PACSIN2: variants seen among roughly 807,000 people sequenced by gnomAD.
The protein encoded by PACSIN2 is protein kinase C and casein kinase substrate in neurons 2.
Under a neutral mutation model 63.8 loss-of-function variants are expected in PACSIN2, and 25 were observed. The observed-to-expected ratio is 0.39, with a 90% CI of 0.29 to 0.55. PACSIN2 has a LOEUF of 0.55. Among genes scored for constraint, PACSIN2 ranks in the 20% least tolerant of loss-of-function variants. The probability of loss-of-function intolerance (pLI) is 0.62; values close to 1 mark genes in which losing one functional copy is unlikely to be tolerated. For missense variants in PACSIN2, 518 were observed against 646.9 expected, an observed-to-expected ratio of 0.80 and a Z score of 2.16; for synonymous variants, 255 against 256.2, an observed-to-expected ratio of 1.00 and a Z score of 0.05.
chr22:42,937,560 C>T (rs985127049), intron 1 of PACSIN2, among the ~76,000 whole-genome samples: 7 of 152,270 alleles, frequency 4.6e-5, no homozygotes, highest in African/African-American at 1.7e-4. Flanking sequence ...GCAGTGACTA[C>T]CACACACTGA....
At chr22:42,994,969 A>G (rs1268262274) in intron 1 of PACSIN2, among the ~76,000 whole-genome samples, 1 of 152,178 alleles carries the variant, frequency 6.6e-6, no homozygotes, top group African/African-American at 2.4e-5. Flanking sequence ...GACTCCCGCA[A>G]CTGTGCCTTG....
chr22:43,007,358 G>A (rs888126673), intron 1 of PACSIN2, among the ~76,000 whole-genome samples: 1 of 151,998 alleles, frequency 6.6e-6, no homozygotes, highest in African/African-American at 2.4e-5. Flanking sequence ...TGGGTTCACA[G>A]TCACAAACCA....
intron 1 of PACSIN2, among the ~76,000 whole-genome samples, chr22:42,955,642 T>C (rs1933884514): frequency 6.6e-6 from 1 of 152,246 alleles, no homozygotes; most frequent in Non-Finnish European, 1.5e-5. Flanking sequence ...GAGTTCAATG[T>C]GAAGTATGAA....
chr22:42,957,734 G>A (rs1290054289), intron 1 of PACSIN2, among the ~76,000 whole-genome samples: 2 of 152,196 alleles, frequency 1.3e-5, no homozygotes, highest in East Asian at 3.9e-4. Flanking sequence ...AGGCAGAAAT[G>A]CTAAAGGTTT....
At chr22:42,893,085 A>T (rs775436718) in intron 3 of PACSIN2, among the ~76,000 whole-genome samples, 83 of 152,360 alleles carry the variant, frequency 5.4e-4, no homozygotes, top group Non-Finnish European at 4.3e-4. Context: ...GACCTGCTAC[A>T]TGGCCAAGTT....
At chr22:43,007,284 C>T (rs4822247) in intron 1 of PACSIN2, among the ~76,000 whole-genome samples, 91,656 of 150,366 alleles carry the variant, frequency 0.61, 28,528 homozygotes, top group East Asian at 0.81. Context: ...TAGCACTATC[C>T]TGGCTCACTG....
chr22:42,949,979 A>C (rs1933608328), intron 1 of PACSIN2, among the ~76,000 whole-genome samples: 2 of 152,208 alleles, frequency 1.3e-5, no homozygotes, highest in Non-Finnish European at 1.5e-5. Flanking sequence ...CAAGTGAATA[A>C]CACCATGCAG....
intron 1 of PACSIN2, among the ~76,000 whole-genome samples, chr22:42,975,457 AAT>A (rs57140073): frequency 4.3e-5 from 6 of 140,690 alleles, no homozygotes; most frequent in Non-Finnish European, 3.0e-5. Flanking sequence ...AATATATACA[AAT>A]ATATATATAT....
intron 1 of PACSIN2, among the ~76,000 whole-genome samples, chr22:43,010,576 G>A (rs1366451331): frequency 1.3e-5 from 2 of 151,938 alleles, no homozygotes; most frequent in Non-Finnish European, 1.5e-5. Context: ...CAAGTGTGGC[G>A]GCGGGCGCCT....
chr22:43,000,172 C>T lies in PACSIN2; in HGVS notation c.-78+14849G>A, dbSNP rs368541760. ...GCCCAAGACCAAAACATGCCAGAGGCTTCTCCCTGAACCTCTGCTCCAGAC... is the reference window on the plus strand; with the variant it reads ...GCCCAAGACCAAAACATGCCAGAGGTTTCTCCCTGAACCTCTGCTCCAGAC... On this transcript the variant is annotated intron_variant, in intron 1 of 10. Coordinates refer to ENST00000263246, the MANE Select transcript of PACSIN2 (RefSeq NM_001184970.3). Among the ~76,000 whole-genome samples the T allele has an allele frequency of 5.3e-5, 8 of 152,334 alleles. 1 individual carries two copies. The South Asian group carries it at 1.7e-3, about 32-fold the overall frequency.
At chr22:42,982,551 G>C (rs1297901399) in intron 1 of PACSIN2, among the ~76,000 whole-genome samples, 4 of 86,562 alleles carry the variant, frequency 4.6e-5, no homozygotes. Context: ...TCTGCCTTGG[G>C]ATCTGTTGAT....
At chr22:42,983,771 C>T (rs1298956129) in intron 1 of PACSIN2, among the ~76,000 whole-genome samples, 1 of 151,182 alleles carries the variant, frequency 6.6e-6, no homozygotes, top group African/African-American at 2.4e-5. Context: ...ATTTTTTTTA[C>T]ATCCCTAAAC....
chr22:42,935,407 A>G (rs1932888501), intron 1 of PACSIN2, among the ~76,000 whole-genome samples: 2 of 152,054 alleles, frequency 1.3e-5, no homozygotes, highest in African/African-American at 2.4e-5. Context: ...CCTCTTCCAC[A>G]TGTGCGGAGA....
At chr22:42,969,599 T>C (rs1395890238) in intron 1 of PACSIN2, among the ~76,000 whole-genome samples, 1 of 152,192 alleles carries the variant, frequency 6.6e-6, no homozygotes, top group Non-Finnish European at 1.5e-5. Context: ...ATTATCGCTG[T>C]AGATTGGAAA....
At chr22:43,012,200 T>TACAA (rs1555951152) in intron 1 of PACSIN2, among the ~76,000 whole-genome samples, 21 of 101,902 alleles carry the variant, frequency 2.1e-4, no homozygotes, top group Middle Eastern at 8.9e-3. Context: ...CATACATACA[T>TACAA]ACAAACATAC....
At chr22:42,927,274 C>A (rs942097548) in intron 1 of PACSIN2, among the ~76,000 whole-genome samples, 1 of 150,962 alleles carries the variant, frequency 6.6e-6, no homozygotes, top group Non-Finnish European at 1.5e-5. Context: ...GAGACAGAGT[C>A]TCGCTCTGTT....
In PACSIN2 at chr22:42,876,228, G is replaced by A. The variant is rs754533087; in HGVS notation, c.1257C>T (p.Phe419=). The change falls in exon 10 of 11, where the codon TTC becomes TTT. Residue 419 remains phenylalanine, a synonymous_variant. Coordinates refer to ENST00000263246, the MANE Select transcript of PACSIN2 (RefSeq NM_001184970.3). ...CCGTCCCCGAGGTGGCGTCGTCGTCGAATGGATTCGAGTCCCCATTGGCAT... is the reference window on the plus strand; with the variant it reads ...CCGTCCCCGAGGTGGCGTCGTCGTCAAATGGATTCGAGTCCCCATTGGCAT... ...STDANGDSNP[F]DDDATSGTEV... is the part of the protein sequence containing the mutation. The A allele has an allele frequency of 6.8e-6, 11 of 1,614,194 alleles. No individual in the cohort carries two copies. Among genetic ancestry groups the A allele is most frequent in the East Asian group, 4.5e-5 (2 of 44,888 alleles).
chr22:42,924,313 G>C (rs1932393517), intron 1 of PACSIN2, among the ~76,000 whole-genome samples: 1 of 152,172 alleles, frequency 6.6e-6, no homozygotes, highest in East Asian at 1.9e-4. Flanking sequence ...GCTTCCCACA[G>C]TAACTCAGTG....
At chr22:42,915,846 C>T (rs1931771140) in intron 1 of PACSIN2, among the ~76,000 whole-genome samples, 1 of 152,224 alleles carries the variant, frequency 6.6e-6, no homozygotes, top group Non-Finnish European at 1.5e-5. Flanking sequence ...ACATCTTATA[C>T]AAGGTCTCAC....
Sources: gnomAD v4.1 joint callset for allele counts (sites outside exome capture counted in the v4.1 genomes callset) on GRCh38, gnomAD v4.1.1 for gene constraint, MANE v1.5 for transcripts, NCBI Gene and HGNC (gene_info 2026-07-23, HGNC 2026-07-21) for gene names.